The following XIRP2 variants were observed in gnomAD, a reference collection of about 807,000 sequenced individuals.
XIRP2 encodes xin actin binding repeat containing 2.
In XIRP2, 236 loss-of-function variants were observed where a neutral mutation model predicts 277.0. That is an observed-to-expected ratio of 0.85 (90% confidence interval 0.77 to 0.95). The LOEUF (loss-of-function observed/expected upper bound fraction) is 0.95, where lower values mean the gene tolerates loss of function less well. Among genes scored for constraint, XIRP2 ranks in the 40% least tolerant of loss-of-function variants. The pLI, the probability that XIRP2 is intolerant of heterozygous loss-of-function variation, is 0.00. For missense variants in XIRP2, 4,640 were observed against 4,157.5 expected (o/e 1.12, Z -3.19); for synonymous variants, 1,490 against 1,416.5 (o/e 1.05, Z -1.17).
At chr2:166,965,332 C>G (rs1686402522) in intron 2 of XIRP2, among the ~76,000 whole-genome samples, 1 of 151,794 alleles carries the variant, frequency 6.6e-6, no homozygotes, top group African/African-American at 2.4e-5. Context: ...TTGAATCAGT[C>G]CTTACTTTCT....
At chr2:167,046,812 A>G (rs183505017) in intron 2 of XIRP2, among the ~76,000 whole-genome samples, 82 of 151,954 alleles carry the variant, frequency 5.4e-4, no homozygotes, top group Non-Finnish European at 9.1e-4. Context: ...TCCAAAAACT[A>G]CCTCTTAGTG....
chr2:167,173,160 G>A (rs112854359), intron 3 of XIRP2, among the ~76,000 whole-genome samples: 15,040 of 152,132 alleles, frequency 0.099, 799 homozygotes, highest in South Asian at 0.16. Context: ...ATTTTTAAAT[G>A]TACAATTAAA....
intron 2 of XIRP2, among the ~76,000 whole-genome samples, chr2:166,914,261 C>T (rs1254334905): frequency 2.0e-5 from 3 of 152,138 alleles, no homozygotes; most frequent in African/African-American, 4.8e-5. Flanking sequence ...GCTTTGGACA[C>T]CTGGAGTTTA....
At chr2:166,951,525 G>GA (rs375709656) in intron 2 of XIRP2, among the ~76,000 whole-genome samples, 43 of 149,176 alleles carry the variant, frequency 2.9e-4, no homozygotes, top group South Asian at 1.1e-3. Context: ...CAACAGAGTG[G>GA]AAAAAAAAAA....
chr2:167,147,666 T>C (rs1222630936), intron 3 of XIRP2, among the ~76,000 whole-genome samples: 1 of 152,176 alleles, frequency 6.6e-6, no homozygotes, highest in Non-Finnish European at 1.5e-5. Flanking sequence ...TTATAGAACT[T>C]TCCTGGGAGA....
chr2:167,190,796 C>G (rs1254379539), intron 3 of XIRP2, among the ~76,000 whole-genome samples: 5 of 152,134 alleles, frequency 3.3e-5, no homozygotes, highest in African/African-American at 1.2e-4. Flanking sequence ...TATTTAATGA[C>G]TCTTGGGGCT....
intron 2 of XIRP2, among the ~76,000 whole-genome samples, chr2:166,979,990 T>C (rs1428822453): frequency 6.6e-6 from 1 of 152,174 alleles, no homozygotes; most frequent in Non-Finnish European, 1.5e-5. Context: ...GGAATTTTCC[T>C]TGTAGTAATG....
At chr2:167,109,482 T>C (rs1053051096) in intron 2 of XIRP2, among the ~76,000 whole-genome samples, 4 of 152,196 alleles carry the variant, frequency 2.6e-5, no homozygotes, top group Non-Finnish European at 5.9e-5. Flanking sequence ...AGTTTCTCCA[T>C]GTTGGCCAAG....
intron 2 of XIRP2, among the ~76,000 whole-genome samples, chr2:166,946,821 T>C (rs141278379): frequency 6.7e-4 from 102 of 152,266 alleles, no homozygotes; most frequent in African/African-American, 2.3e-3. Flanking sequence ...ATAAAAAGTA[T>C]GTAAATTAAT....
In XIRP2 at chr2:167,214,337, C is replaced by T. The variant is rs146685025; in HGVS notation, c.723+3442C>T. Among the ~76,000 whole-genome samples, 140 of 148,344 alleles carry T rather than the reference C, an allele frequency of 9.4e-4. 1 individual carries two copies. In the East Asian group the frequency reaches 0.011, roughly 12 times the overall value. On this transcript the variant is annotated intron_variant, in intron 4 of 10. Transcript: ENST00000409195. ...GAAGGAAGGAAGGAAGATAGCCAAG[C>T]ATGATGGCGGGTGCCAGTAATCCCA...
chr2:167,107,509 T>G (rs1429972201), intron 2 of XIRP2, among the ~76,000 whole-genome samples: 2 of 151,780 alleles, frequency 1.3e-5, no homozygotes, highest in Non-Finnish European at 3.0e-5. Context: ...CACTGATCAG[T>G]TTTATAATAT....
intron 3 of XIRP2, among the ~76,000 whole-genome samples, chr2:167,201,342 A>G (rs1693711215): frequency 2.0e-5 from 3 of 151,356 alleles, no homozygotes; most frequent in Non-Finnish European, 4.4e-5. Flanking sequence ...GGAAGGAAGG[A>G]AAGAAGGAAG....
chr2:167,249,417 TAAAC>T lies in XIRP2; in HGVS notation c.8029_8032del (p.Gln2677ValfsTer41), dbSNP rs1273373716. 1 of 1,613,638 alleles carries T rather than the reference TAAAC, an allele frequency of 6.2e-7. No homozygotes were observed. The highest frequency in any genetic ancestry group is 8.5e-7 in the Non-Finnish European group (1 of 1,179,838). The stretch of plus-strand genomic sequence containing the variant: ...TGCAATCCAAATCAGCTTGCGAAAT[TAAAC>T]AAAGTCACCAAGAATGTAGTACCCA... On this transcript the variant is annotated frameshift_variant, in exon 9 of 11. Transcript: ENST00000409195. LOFTEE classifies it high-confidence loss of function.
At chr2:166,986,039 G>A (rs1416445354) in intron 2 of XIRP2, among the ~76,000 whole-genome samples, 1 of 152,194 alleles carries the variant, frequency 6.6e-6, no homozygotes, top group Non-Finnish European at 1.5e-5. Context: ...GGTTGCACCA[G>A]GTTGTACCAG....
At chr2:166,981,619 G>A (rs762323125) in intron 2 of XIRP2, among the ~76,000 whole-genome samples, 13 of 151,754 alleles carry the variant, frequency 8.6e-5, no homozygotes, top group East Asian at 1.9e-4. Flanking sequence ...CAGGCTGGTC[G>A]CGAACTCCTG....
intron 3 of XIRP2, among the ~76,000 whole-genome samples, chr2:167,178,572 C>T (rs1692919931): frequency 6.6e-6 from 1 of 152,026 alleles, no homozygotes; most frequent in Non-Finnish European, 1.5e-5. Flanking sequence ...AATTTCACAG[C>T]ATTTAATTAA....
chr2:167,111,800 G>C (rs1375185343), intron 2 of XIRP2, among the ~76,000 whole-genome samples: 1 of 151,992 alleles, frequency 6.6e-6, no homozygotes, highest in Non-Finnish European at 1.5e-5. Flanking sequence ...ATCTGGTCCT[G>C]GGCTTTTCTG....
At chr2:167,134,256 A>G (rs1036611847) in intron 2 of XIRP2, among the ~76,000 whole-genome samples, 2 of 151,346 alleles carry the variant, frequency 1.3e-5, no homozygotes, top group Admixed American at 1.3e-4. Context: ...GTGTGAATAT[A>G]TATCTTCACA....
At chr2:166,897,537 C>T (rs926634686) in intron 1 of XIRP2, among the ~76,000 whole-genome samples, 6 of 151,938 alleles carry the variant, frequency 3.9e-5, no homozygotes, top group African/African-American at 7.3e-5. Flanking sequence ...AGAAGCCACA[C>T]GTAAGTTAAA....
Sources: allele counts gnomAD v4.1 joint callset (sites outside exome capture counted in the v4.1 genomes callset), GRCh38; gene constraint gnomAD v4.1.1; transcripts MANE v1.5; gene names NCBI Gene and HGNC (gene_info 2026-07-23, HGNC 2026-07-21).